Variants in MICU1 observed in about 807,000 individuals in gnomAD.
MICU1 encodes calcium uptake protein 1, mitochondrial.
Under a neutral mutation model 56.8 loss-of-function variants are expected in MICU1, and 45 were observed. That is an observed-to-expected ratio of 0.79 (90% CI 0.62 to 1.02). MICU1 has a LOEUF of 1.02. MICU1 is among the 50% of genes least tolerant of loss of function. MICU1 has a pLI of 0.00. For synonymous variants in MICU1, 186 were observed against 195.1 expected (o/e 0.95, Z 0.39); for missense variants, 504 against 587.1 (o/e 0.86, Z 1.46).
intron 5 of MICU1, among the ~76,000 whole-genome samples, chr10:72,513,965 A>G (rs1436791393): frequency 6.6e-6 from 1 of 152,198 alleles, no homozygotes; most frequent in Non-Finnish European, 1.5e-5. Flanking sequence ...AATGCATATA[A>G]CAAAATTTAC....
intron 8 of MICU1, among the ~76,000 whole-genome samples, chr10:72,437,184 C>G (rs746930414): frequency 6.6e-6 from 1 of 152,184 alleles, no homozygotes; most frequent in Non-Finnish European, 1.5e-5. Flanking sequence ...ACCCATCAGA[C>G]TAACAGCAGA....
intron 1 of MICU1, among the ~76,000 whole-genome samples, chr10:72,621,498 A>T (rs372135058): frequency 1.2e-4 from 18 of 152,190 alleles, no homozygotes; most frequent in African/African-American, 3.9e-4. Context: ...GTCTCAAAAA[A>T]TAATAATAAT....
At chr10:72,589,267 C>A (rs1004075329) in intron 1 of MICU1, among the ~76,000 whole-genome samples, 2 of 150,478 alleles carry the variant, frequency 1.3e-5, no homozygotes, top group Admixed American at 1.3e-4. Context: ...CCAGCCTGGG[C>A]GACTGACTGA....
At chr10:72,533,568 A>G (rs1397494125) in intron 5 of MICU1, among the ~76,000 whole-genome samples, 178 bp downstream of exon 5, 2 of 152,214 alleles carry the variant, frequency 1.3e-5, no homozygotes, top group Admixed American at 1.3e-4. Flanking sequence ...GGAAAAATAT[A>G]GAACCTTCTG....
intron 1 of MICU1, among the ~76,000 whole-genome samples, chr10:72,595,447 C>CAAAA (rs1255926638): frequency 7.3e-5 from 3 of 41,188 alleles, no homozygotes; most frequent in Non-Finnish European, 1.0e-4. Context: ...GACTCTGTCT[C>CAAAA]AAAAAAAAAA....
At chr10:72,590,080 A>T (rs1270670572) in intron 1 of MICU1, among the ~76,000 whole-genome samples, 1 of 152,168 alleles carries the variant, frequency 6.6e-6, no homozygotes, top group Non-Finnish European at 1.5e-5. Flanking sequence ...ATATAAATGG[A>T]TCAAGCTCTC....
chr10:72,492,271 C>A (rs566371336), intron 6 of MICU1, among the ~76,000 whole-genome samples: 19 of 151,966 alleles, frequency 1.3e-4, no homozygotes, highest in Non-Finnish European at 2.6e-4. Flanking sequence ...TGCTGTATTG[C>A]AAGTAGACTA....
chr10:72,376,221 T>C (rs1862514757), intron 10 of MICU1, among the ~76,000 whole-genome samples: 1 of 151,228 alleles, frequency 6.6e-6, no homozygotes, highest in African/African-American at 2.4e-5. Flanking sequence ...GAGGTTGCAG[T>C]GAGCTGAGAT....
At chr10:72,531,556 A>G (rs559449776) in intron 5 of MICU1, 1 of 152,062 alleles carries the variant, frequency 6.6e-6, no homozygotes, top group East Asian at 1.9e-4. Flanking sequence ...TGTCTCTACT[A>G]AAAATAAAAA....
At chr10:72,428,591 G>A (rs1025522019) in intron 8 of MICU1, among the ~76,000 whole-genome samples, 2 of 152,250 alleles carry the variant, frequency 1.3e-5, no homozygotes, top group South Asian at 2.1e-4. Context: ...GATTACAGGC[G>A]TGAGACACTG....
chr10:72,368,300 C>T lies in MICU1; in HGVS notation c.1326G>A (p.Met442Ile), dbSNP rs759279928. 6.2e-7 allele frequency: 1 copy of T among 1,614,032 alleles called. No homozygotes were observed. The highest frequency in any genetic ancestry group is 8.5e-7 in the Non-Finnish European group (1 of 1,179,896). Residue 442 changes from methionine (M) to isoleucine (I), a missense_variant, in exon 12 of 12, where the codon ATG becomes ATA. Physicochemically the swap from Met to Ile is conservative, Grantham distance 10. Transcript: ENST00000361114. The part of the protein sequence containing the change: ...EFVSIMKQRL[M>I]RGLEKPKDMG... ...TGTCTTTGGGCTTTTCCAGGCCTCT[C>T]ATCAGCCGTTGCTTCATGATGGAAA...
intron 4 of MICU1, among the ~76,000 whole-genome samples, chr10:72,540,142 C>T (rs1475027192): frequency 2.6e-5 from 4 of 151,942 alleles, no homozygotes; most frequent in Non-Finnish European, 4.4e-5. Flanking sequence ...TGGCGCATGC[C>T]TGTAATCCCA....
chr10:72,590,847 T>TTA (rs1491318534), intron 1 of MICU1, among the ~76,000 whole-genome samples: 6 of 139,740 alleles, frequency 4.3e-5, no homozygotes, highest in African/African-American at 1.6e-4. Flanking sequence ...AAATAAAAAT[T>TTA]AAAAAAAAAA....
At chr10:72,405,779 T>G (rs939866926) in intron 10 of MICU1, among the ~76,000 whole-genome samples, 1 of 152,012 alleles carries the variant, frequency 6.6e-6, no homozygotes, top group African/African-American at 2.4e-5. Flanking sequence ...AGAAAAAAAT[T>G]TGACAAAATA....
At chr10:72,581,211 C>T (rs74148024) in intron 1 of MICU1, among the ~76,000 whole-genome samples, 53 of 152,280 alleles carry the variant, frequency 3.5e-4, no homozygotes, top group African/African-American at 1.1e-3. Flanking sequence ...TTCACTGATA[C>T]GTGCAATGCT....
intron 9 of MICU1, among the ~76,000 whole-genome samples, chr10:72,409,000 A>G (rs753625854): frequency 2.0e-5 from 3 of 152,202 alleles, no homozygotes; most frequent in Non-Finnish European, 4.4e-5. Flanking sequence ...TCTATGATGC[A>G]TCGAGAAAAA....
At chr10:72,384,295 C>T (rs1862818883) in intron 10 of MICU1, among the ~76,000 whole-genome samples, 1 of 152,176 alleles carries the variant, frequency 6.6e-6, no homozygotes, top group African/African-American at 2.4e-5. Flanking sequence ...TGGGCCCAGC[C>T]ACAGTGTCTT....
intron 1 of MICU1, among the ~76,000 whole-genome samples, chr10:72,589,615 T>C (rs1470836529): frequency 7.4e-6 from 1 of 134,784 alleles, no homozygotes; most frequent in Non-Finnish European, 1.8e-5. Flanking sequence ...GGGTGGGGAA[T>C]AGCCCTATAA....
chr10:72,576,402 C>T (rs181643352), intron 1 of MICU1, among the ~76,000 whole-genome samples: 180 of 152,250 alleles, frequency 1.2e-3, no homozygotes, highest in Non-Finnish European at 1.8e-3. Context: ...GTGAATCAGG[C>T]TTACTGCTGA....
Sources: allele counts gnomAD v4.1 joint callset (sites outside exome capture counted in the v4.1 genomes callset), GRCh38; gene constraint gnomAD v4.1.1; transcripts MANE v1.5; gene names NCBI Gene and HGNC (gene_info 2026-07-23, HGNC 2026-07-21).